LMAN1L: variants seen among roughly 807,000 people sequenced by gnomAD.
LMAN1L encodes the protein protein ERGIC-53-like.
LMAN1L carries 60 observed loss-of-function variants against 58.3 expected under a neutral mutation model. The ratio of observed to expected loss-of-function variants is 1.03; its 90% CI spans 0.84 to 1.27. The LOEUF (loss-of-function observed/expected upper bound fraction) is 1.27. Among genes scored for constraint, LMAN1L ranks in the 50% most tolerant of loss-of-function variants. The probability of loss-of-function intolerance (pLI) is 0.00; values close to 1 mark genes in which losing one functional copy is unlikely to be tolerated. For synonymous variants in LMAN1L, 280 were observed against 271.6 expected (o/e 1.03, Z -0.31); for missense variants, 629 against 674.0 (o/e 0.93, Z 0.74).
At position 74,816,305 on chromosome 15, in the gene LMAN1L, G is replaced by C. The variant is rs750469395; in HGVS notation, c.324G>C (p.Gln108His). 10 of 1,612,178 alleles carry C rather than the reference G, an allele frequency of 6.2e-6. No homozygotes were observed. The East Asian group carries it at 2.0e-4, about 32-fold the overall frequency. The change falls in exon 2 of 14, where the codon CAG becomes CAC. Residue 108 changes from glutamine to histidine, a missense_variant. By Grantham distance (24) the Gln-to-His change is conservative. Around this residue, in one of 3 missense-constraint regions of LMAN1L, gnomAD observed 573 missense variants for 597.3 expected, o/e 0.96. Transcript: ENST00000309664. ...RVTGLGRRGA[Q>H]GMAVWYTRGR... is the part of the protein sequence containing the mutation. ...CGGGACTGGGGCGCCGGGGAGCCCA[G>C]GGCATGGTGAGTGTCCTCTCCCAGA... is the stretch of plus-strand genomic sequence containing the variant.
intron 12 of LMAN1L, chr15:74,823,908 C>T (rs1024096512): frequency 1.2e-5 from 7 of 571,330 alleles, no homozygotes; most frequent in Admixed American, 9.3e-5. Context: ...AAGAGTCCCA[C>T]AGACTCAGCA....
At position 74,816,306 on chromosome 15, in the gene LMAN1L, G is replaced by C; in HGVS notation, c.325G>C (p.Gly109Arg). The C allele has an allele frequency of 2.5e-6, 4 of 1,612,128 alleles. No homozygotes were observed. The highest frequency in any genetic ancestry group is 2.5e-6 in the Non-Finnish European group (3 of 1,179,880). The change falls in exon 2 of 14, where the codon GGC becomes CGC. Residue 109 changes from glycine (G) to arginine (R), a missense_variant. Transcript: ENST00000309664. ...GGGACTGGGGCGCCGGGGAGCCCAG[G>C]GCATGGTGAGTGTCCTCTCCCAGAG... is the stretch of plus-strand genomic sequence containing the variant. ...VTGLGRRGAQGMAVWYTRGRG... is the reference protein window; with the variant it reads ...VTGLGRRGAQRMAVWYTRGRG...
intron 10 of LMAN1L, 90 bp downstream of exon 10, chr15:74,821,990 C>CCT: frequency 1.2e-6 from 1 of 840,846 alleles, no homozygotes; most frequent in Non-Finnish European, 2.0e-6. Context: ...CTGGGCTGGG[C>CCT]CTCTGCTTCC....
At chr15:74,819,089 G>A in intron 5 of LMAN1L, 63 bp from the exon 6 acceptor site, 2 of 1,542,410 alleles carry the variant, frequency 1.3e-6, no homozygotes, top group Non-Finnish European at 8.8e-7. Context: ...CCCACGGCCA[G>A]GGGAGCCAGG....
In LMAN1L at chr15:74,823,698, T is replaced by C. The variant is rs2063928191; in HGVS notation, c.1323+16T>C. ...GGGCCCGGCGGTGAGGGGAAAGTAG[T>C]GGGCAGCATGGGGTCCCCAACCTTG... On this transcript the variant is annotated intron_variant, in intron 12 of 13. Transcript: ENST00000309664. The C allele has an allele frequency of 1.2e-6, 2 of 1,610,514 alleles. No homozygotes were observed. The highest frequency in any genetic ancestry group is 1.7e-6 in the Non-Finnish European group (2 of 1,179,082).
Position 74,818,773 on chromosome 15 carries a change from C to T in LMAN1L, c.553C>T (p.His185Tyr). 6.2e-7 allele frequency: 1 copy of T among 1,612,078 alleles called. No individual in the cohort carries two copies. Among genetic ancestry groups the T allele is most frequent in the Non-Finnish European group, 8.5e-7 (1 of 1,179,352 alleles). ...TCATTGGGACTTCCGGAACCGGCCACACCCCTTCAGAGCACGGATCACCTA... is the reference window on the plus strand; with the variant it reads ...TCATTGGGACTTCCGGAACCGGCCATACCCCTTCAGAGCACGGATCACCTA... ...SCHWDFRNRP[H>Y]PFRARITYWG... is the part of the protein sequence containing the mutation. The change falls in exon 5 of 14, where the codon CAC (histidine) becomes TAC (tyrosine). Residue 185 changes from histidine to tyrosine, a missense_variant. Coordinates refer to ENST00000309664, the MANE Select transcript of LMAN1L (RefSeq NM_021819.3).
intron 10 of LMAN1L, 56 bp from the exon 11 acceptor site, chr15:74,822,585 CT>C: frequency 2.1e-6 from 3 of 1,425,334 alleles, no homozygotes; most frequent in Non-Finnish European, 3.0e-6. Context: ...GGAAGGTGGG[CT>C]CTGAGAAGAG....
intron 9 of LMAN1L, 35 bp from the exon 10 acceptor site, chr15:74,821,794 A>C (rs2141116788): frequency 6.8e-7 from 1 of 1,468,580 alleles, no homozygotes; most frequent in Non-Finnish European, 9.5e-7. Flanking sequence ...GGGGACTTAC[A>C]CTCCAGGGCC....
chr15:74,820,819 C>T (rs377159684), intron 8 of LMAN1L, 52 bp downstream of exon 8: 1 of 1,574,014 alleles, frequency 6.4e-7, no homozygotes, highest in Non-Finnish European at 8.6e-7. Context: ...TCACAGCATC[C>T]TCCACCCTTA....
In LMAN1L at chr15:74,821,107, G is replaced by A; in HGVS notation, c.940G>A (p.Gly314Ser). Residue 314 changes from glycine to serine, a missense_variant, in exon 9 of 14, where the codon GGC (glycine) becomes AGC (serine). Transcript: ENST00000309664. ...GCTCTTTGACCTGGAGGAGACGCTG[G>A]GCAGACACCGCCGGATCCTGCAGGC... ...ERLFDLEETL[G>S]RHRRILQALR... The A allele has an allele frequency of 1.9e-6, 3 of 1,572,512 alleles. No individual in the cohort carries two copies. The highest frequency in any genetic ancestry group is 2.6e-6 in the Non-Finnish European group (3 of 1,159,042).
intron 10 of LMAN1L, 97 bp from the exon 11 acceptor site, chr15:74,822,545 C>T (rs1567225322): frequency 1.0e-6 from 1 of 953,480 alleles, no homozygotes; most frequent in Non-Finnish European, 1.7e-6. Context: ...CTGGGAAGGC[C>T]TCTGGAAGGA....
intron 1 of LMAN1L, 75 bp from the exon 2 acceptor site, chr15:74,816,082 C>A (rs2063888630): frequency 2.0e-6 from 3 of 1,483,010 alleles, no homozygotes; most frequent in Admixed American, 2.1e-5. Context: ...GGGAGCCCAG[C>A]CCGGGCCAAG....
rs369158387 is a variant in LMAN1L at position 74,816,441 on chromosome 15, C to G, written c.345C>G (p.Thr115=). 2.6e-6 allele frequency: 4 copies of G among 1,556,508 alleles called. No individual in the cohort carries two copies. The highest frequency in any genetic ancestry group is 3.5e-6 in the Non-Finnish European group (4 of 1,147,624). ...GGGACCTGCAGGCCGTGTGGTACAC[C>G]CGGGGCAGGGGCCATGTAGGCTCTG... ...RGAQGMAVWY[T]RGRGHVGSVL... Residue 115 remains threonine (T), a synonymous_variant, in exon 3 of 14, where the codon ACC becomes ACG. Coordinates refer to ENST00000309664, the MANE Select transcript of LMAN1L (RefSeq NM_021819.3).
Position 74,825,660 on chromosome 15 carries a change from G to A in LMAN1L, c.*55G>A. On this transcript the variant is annotated 3_prime_UTR_variant, in exon 14 of 14. Transcript: ENST00000309664. ...GGAAGCAGGCAGTGTCTTGGGTGGG[G>A]GCTTGGTCAGTATCCTCTCCGTCTG... is the stretch of plus-strand genomic sequence containing the variant. 6.4e-7 allele frequency: 1 copy of A among 1,571,474 alleles called. No homozygotes were observed. Among genetic ancestry groups the A allele is most frequent in the Non-Finnish European group, 8.7e-7 (1 of 1,153,882 alleles).
rs914813707 is a variant in LMAN1L, at chr15:74,819,978, T to C, written c.719-66T>C. On this transcript the variant is annotated intron_variant, in intron 6 of 13. Coordinates refer to ENST00000309664, the MANE Select transcript of LMAN1L (RefSeq NM_021819.3). ...CGGTGGGATATCATGGCGGTTAGGG[T>C]GAAGGCTGAGCGAGGGGGTTGCTGG... The C allele has an allele frequency of 2.5e-4, 363 of 1,458,534 alleles. 1 individual carries two copies. The highest frequency in any genetic ancestry group is 3.2e-4 in the Non-Finnish European group (336 of 1,039,180). 90.3% of individuals were successfully genotyped at this position (1,458,534 alleles called of 1,614,324 possible).
At chr15:74,822,862 T>A (rs180777065) in intron 11 of LMAN1L, among the ~76,000 whole-genome samples, 153 bp downstream of exon 11, 1 of 152,220 alleles carries the variant, frequency 6.6e-6, no homozygotes, top group African/African-American at 2.4e-5. Context: ...TTGAGTTGAC[T>A]TGAATTTAAT....
chr15:74,821,796 TC>T, intron 9 of LMAN1L, 32 bp from the exon 10 acceptor site: 1 of 1,515,954 alleles, frequency 6.6e-7, no homozygotes, highest in South Asian at 1.1e-5. Context: ...GGACTTACAC[TC>T]CAGGGCCAAG....
Position 74,825,722 on chromosome 15 carries a change from T to C in LMAN1L, c.*117T>C. Reference sequence around the variant, plus strand: ...CCCACGCACACCTGAGCTTTCGGCATGCTCCCACCTCGTTAAAGGTGATTT... The same window carrying C: ...CCCACGCACACCTGAGCTTTCGGCACGCTCCCACCTCGTTAAAGGTGATTT... On this transcript the variant is annotated 3_prime_UTR_variant, in exon 14 of 14. Transcript: ENST00000309664. 2 of 979,484 alleles carry C rather than the reference T, an allele frequency of 2.0e-6. No individual in the cohort carries two copies. The highest frequency in any genetic ancestry group is 1.6e-5 in the African/African-American group (1 of 62,100). The allele number at this position is 979,484 out of a possible 1,614,324, so 60.7% of individuals were successfully genotyped here.
In LMAN1L at chr15:74,816,616, T is replaced by G; in HGVS notation, c.439-16T>G. 1 of 1,611,908 alleles carries G rather than the reference T, an allele frequency of 6.2e-7. No homozygotes were observed. The highest frequency in any genetic ancestry group is 1.1e-5 in the South Asian group (1 of 90,840). On this transcript the variant is annotated splice_polypyrimidine_tract_variant and intron_variant, in intron 3 of 13. Coordinates refer to ENST00000309664, the MANE Select transcript of LMAN1L (RefSeq NM_021819.3). The stretch of plus-strand genomic sequence containing the variant: ...CGCCATGTCCGCGGCTCAGGCTGCT[T>G]CTCACCTCCCTGCAGGACAGTCCTG...
Sources: gnomAD v4.1 joint callset for allele counts (sites outside exome capture counted in the v4.1 genomes callset) on GRCh38, gnomAD v4.1.1 for gene constraint, gnomAD v4.1.1 regional missense constraint, MANE v1.5 for transcripts, NCBI Gene and HGNC (gene_info 2026-07-23, HGNC 2026-07-21) for gene names.